The following DNM3 variants were observed in gnomAD, a reference collection of about 807,000 sequenced individuals.
DNM3 encodes the protein dynamin 3, also known as dynamin-3.
Under a neutral mutation model 101.6 loss-of-function variants are expected in DNM3, and 47 were observed. That is an observed-to-expected ratio of 0.46 (90% CI 0.37 to 0.59). The LOEUF is 0.59. DNM3 is among the 20% of genes least tolerant of loss of function. The pLI, the probability that DNM3 is intolerant of heterozygous loss-of-function variation, is 0.00. For missense variants in DNM3, 849 were observed against 1,085.7 expected, an observed-to-expected ratio of 0.78 and a Z score of 3.06; for synonymous variants, 385 against 387.9, an observed-to-expected ratio of 0.99 and a Z score of 0.09.
intron 17 of DNM3, among the ~76,000 whole-genome samples, chr1:172,357,333 A>G (rs2067506007): frequency 6.6e-6 from 1 of 152,106 alleles, no homozygotes; most frequent in Non-Finnish European, 1.5e-5. Flanking sequence ...AGAAACCTGG[A>G]AGACACCATC....
intron 2 of DNM3, among the ~76,000 whole-genome samples, chr1:171,969,945 G>T (rs1221844831): frequency 6.6e-6 from 1 of 152,104 alleles, no homozygotes; most frequent in Non-Finnish European, 1.5e-5. Context: ...GTGACTAAAA[G>T]CTTGGTGTGT....
intron 2 of DNM3, among the ~76,000 whole-genome samples, chr1:171,949,487 G>A (rs890024569): frequency 6.6e-6 from 1 of 152,170 alleles, no homozygotes; most frequent in Non-Finnish European, 1.5e-5. Context: ...ATTGCTTACT[G>A]TAGCCTGGAC....
At chr1:172,362,018 G>T (rs1232744055) in intron 17 of DNM3, among the ~76,000 whole-genome samples, 5 of 151,852 alleles carry the variant, frequency 3.3e-5, no homozygotes, top group Admixed American at 6.6e-5. Flanking sequence ...TTTTCCTGTA[G>T]GCAAGAATGT....
intron 4 of DNM3, among the ~76,000 whole-genome samples, chr1:172,032,065 A>G (rs538519688): frequency 2.6e-5 from 4 of 152,210 alleles, no homozygotes; most frequent in African/African-American, 9.6e-5. Flanking sequence ...AAATATTCAT[A>G]TTAGGTGGAG....
intron 2 of DNM3, among the ~76,000 whole-genome samples, chr1:171,962,005 GCT>G (rs933790910): frequency 3.5e-4 from 54 of 152,316 alleles, no homozygotes; most frequent in African/African-American, 1.2e-3. Flanking sequence ...ACTGGTGGGG[GCT>G]CTCTGCAGAG....
Position 172,048,659 on chromosome 1 carries a change from A to G in DNM3, c.1244A>G (p.Lys415Arg), listed in dbSNP as rs1357716695. 6.2e-7 allele frequency: 1 copy of G among 1,613,668 alleles called. No individual in the cohort carries two copies. The highest frequency in any genetic ancestry group is 8.5e-7 in the Non-Finnish European group (1 of 1,179,698). ...ATGGCATTTGAAGCGATAGTCAAGA[A>G]ACAGATTGTAAAGTTGAAAGGGCCT... ...PDMAFEAIVKKQIVKLKGPSL... is the reference protein window; with the variant it reads ...PDMAFEAIVKRQIVKLKGPSL... The change falls in exon 10 of 21, where the codon AAA (lysine) becomes AGA (arginine). Residue 415 changes from lysine to arginine, a missense_variant. Coordinates refer to ENST00000627582, the MANE Select transcript of DNM3 (RefSeq NM_015569.5).
At chr1:171,938,523 A>G (rs2041603738) in intron 2 of DNM3, among the ~76,000 whole-genome samples, 1 of 152,224 alleles carries the variant, frequency 6.6e-6, no homozygotes, top group African/African-American at 2.4e-5. Context: ...GAGGAGTTGG[A>G]TAATGAGAAT....
At chr1:172,321,009 G>A (rs923853379) in intron 16 of DNM3, among the ~76,000 whole-genome samples, 2 of 152,136 alleles carry the variant, frequency 1.3e-5, no homozygotes, top group African/African-American at 2.4e-5. Context: ...AAAAATGATG[G>A]CAGGAAGTGA....
At chr1:171,886,307 A>C (rs2036763274) in intron 1 of DNM3, among the ~76,000 whole-genome samples, 1 of 152,224 alleles carries the variant, frequency 6.6e-6, no homozygotes, top group African/African-American at 2.4e-5. Flanking sequence ...GTCAGTACCA[A>C]GTACATGTGA....
Position 172,407,891 on chromosome 1 carries a change from A to C in DNM3, c.*50A>C. On this transcript the variant is annotated 3_prime_UTR_variant, in exon 21 of 21. Transcript: ENST00000627582. ...ATCACTAATGAATTATGCGAAAGCAACATATTTGATAACCGTTGCAGTAAA... is the reference window on the plus strand; with the variant it reads ...ATCACTAATGAATTATGCGAAAGCACCATATTTGATAACCGTTGCAGTAAA... 1.9e-6 allele frequency: 3 copies of C among 1,612,084 alleles called. No individual in the cohort carries two copies. Among genetic ancestry groups the C allele is most frequent in the Non-Finnish European group, 2.5e-6 (3 of 1,178,596 alleles).
chr1:172,248,272 C>T (rs1489784516), intron 14 of DNM3, among the ~76,000 whole-genome samples: 6 of 152,076 alleles, frequency 3.9e-5, no homozygotes, highest in Non-Finnish European at 8.8e-5. Flanking sequence ...TGTTTTTATT[C>T]ACCTCTGGTT....
At chr1:172,343,957 G>A (rs2066811116) in intron 17 of DNM3, among the ~76,000 whole-genome samples, 1 of 152,070 alleles carries the variant, frequency 6.6e-6, no homozygotes, top group Non-Finnish European at 1.5e-5. Context: ...CCAAGTAATT[G>A]TTTTTTTAAA....
intron 11 of DNM3, among the ~76,000 whole-genome samples, chr1:172,072,616 G>A (rs1462355429): frequency 1.3e-5 from 2 of 152,182 alleles, no homozygotes; most frequent in African/African-American, 2.4e-5. Context: ...GGCCAGGCAC[G>A]GTGGCTCACG....
chr1:172,033,822 C>T (rs12128720), intron 6 of DNM3, among the ~76,000 whole-genome samples: 56,029 of 151,910 alleles, frequency 0.37, 10,852 homozygotes, highest in East Asian at 0.69. Context: ...CTGCCTACCC[C>T]GCTCCATGCA....
At chr1:172,206,065 A>G (rs910329258) in intron 14 of DNM3, among the ~76,000 whole-genome samples, 5 of 152,168 alleles carry the variant, frequency 3.3e-5, no homozygotes, top group African/African-American at 1.2e-4. Flanking sequence ...AAATTACATT[A>G]GTTTATATCA....
chr1:172,360,551 C>G (rs926035519), intron 17 of DNM3, among the ~76,000 whole-genome samples: 1 of 151,888 alleles, frequency 6.6e-6, no homozygotes, highest in African/African-American at 2.4e-5. Context: ...CAAGCTCTCC[C>G]TTTCATTTGA....
chr1:172,315,041 A>G (rs1358953845), intron 16 of DNM3, among the ~76,000 whole-genome samples: 1 of 152,166 alleles, frequency 6.6e-6, no homozygotes, highest in Non-Finnish European at 1.5e-5. Context: ...TCTGAGACAA[A>G]ACTTCCAGAG....
chr1:171,884,338 C>T (rs1423966662), intron 1 of DNM3, among the ~76,000 whole-genome samples: 1 of 152,182 alleles, frequency 6.6e-6, no homozygotes, highest in Non-Finnish European at 1.5e-5. Flanking sequence ...TTTTTCCTGA[C>T]ACTCCTGTTC....
chr1:171,851,905 C>T (rs932770441), intron 1 of DNM3, among the ~76,000 whole-genome samples: 1 of 152,190 alleles, frequency 6.6e-6, no homozygotes, highest in Non-Finnish European at 1.5e-5. Context: ...AAATGTATTT[C>T]TTACTATGGG....
Sources: allele counts gnomAD v4.1 joint callset (sites outside exome capture counted in the v4.1 genomes callset), GRCh38; gene constraint gnomAD v4.1.1; transcripts MANE v1.5; gene names NCBI Gene and HGNC (gene_info 2026-07-23, HGNC 2026-07-21).